The following LNX1 variants were observed in gnomAD, a reference collection of about 807,000 sequenced individuals.
LNX1 encodes E3 ubiquitin-protein ligase LNX.
In LNX1, 54 loss-of-function variants were observed where a neutral mutation model predicts 68.4. That is an observed-to-expected ratio of 0.79 (90% CI 0.63 to 0.99). The LOEUF (loss-of-function observed/expected upper bound fraction) is 0.99, where lower values mean the gene tolerates loss of function less well. Ranked by LOEUF, LNX1 falls within the 50% of genes least tolerant of loss-of-function variation. LNX1 has a pLI of 0.00. For synonymous variants in LNX1, 336 were observed against 350.0 expected, an observed-to-expected ratio of 0.96 and a Z score of 0.45; for missense variants, 906 against 926.4, an observed-to-expected ratio of 0.98 and a Z score of 0.29.
At chr4:53,576,211 G>A in intron 1 of LNX1, 1 of 1,598,050 alleles carries the variant, frequency 6.3e-7, no homozygotes, top group South Asian at 1.1e-5. Context: ...CTCCACCAGT[G>A]CCCTGGCTCG....
At chr4:53,617,215 A>G (rs1256876041) in intron 1 of LNX1, 1 of 152,166 alleles carries the variant, frequency 6.6e-6, no homozygotes, top group Non-Finnish European at 1.5e-5. Flanking sequence ...ATAATAATTA[A>G]AAAAAGAGAG....
intron 2 of LNX1, among the ~76,000 whole-genome samples, chr4:53,546,393 T>C (rs535815083): frequency 6.6e-6 from 1 of 152,322 alleles, no homozygotes; most frequent in East Asian, 1.9e-4. Flanking sequence ...CAGGGTCACT[T>C]GCCACACTGT....
rs148307958 is a variant in LNX1 at position 53,623,055 on chromosome 4, G to A, written c.-215+29113C>T. Among the ~76,000 whole-genome samples the A allele has an allele frequency of 2.8e-3, 428 of 152,208 alleles. 4 individuals carry two copies. Among genetic ancestry groups the A allele is most frequent in the African/African-American group, 9.5e-3 (395 of 41,532 alleles). On this transcript the variant is annotated intron_variant, in intron 1 of 2. Transcript: ENST00000507168. Reference sequence around the variant, plus strand: ...TAATAACTTAACTTAGCTTGGGGCTGGAAGAGATTTCAAAATGGTGGGCTG... The same window carrying A: ...TAATAACTTAACTTAGCTTGGGGCTAGAAGAGATTTCAAAATGGTGGGCTG...
chr4:53,538,079 A>G (rs932844965), intron 2 of LNX1, among the ~76,000 whole-genome samples: 4 of 152,254 alleles, frequency 2.6e-5, no homozygotes, highest in African/African-American at 9.6e-5. Flanking sequence ...GTTTCAACCA[A>G]CCATTGGCTA....
chr4:53,517,845 G>A (rs1204894835), intron 2 of LNX1, among the ~76,000 whole-genome samples: 1 of 152,196 alleles, frequency 6.6e-6, no homozygotes, highest in Non-Finnish European at 1.5e-5. Context: ...AAGTAAAAGA[G>A]GTCATCAGCT....
At chr4:53,554,025 C>A (rs904018636) in intron 2 of LNX1, among the ~76,000 whole-genome samples, 1 of 152,226 alleles carries the variant, frequency 6.6e-6, no homozygotes, top group Non-Finnish European at 1.5e-5. Flanking sequence ...AGCTTAGCCC[C>A]TAGCCTGTCC....
At chr4:53,599,818 G>C (rs1732914058) in intron 2 of LNX1, among the ~76,000 whole-genome samples, 1 of 152,144 alleles carries the variant, frequency 6.6e-6, no homozygotes, top group Non-Finnish European at 1.5e-5. Flanking sequence ...TATAGCTTTA[G>C]AATTTGCACA....
At position 53,507,344 on chromosome 4, in the gene LNX1, T is replaced by C; in HGVS notation, c.748A>G (p.Asn250Asp). The C allele has an allele frequency of 6.2e-7, 1 of 1,614,138 alleles. No individual in the cohort carries two copies. The highest frequency in any genetic ancestry group is 1.1e-5 in the South Asian group (1 of 91,076). The change falls in exon 4 of 11, where the codon AAT (asparagine) becomes GAT (aspartate). Residue 250 changes from asparagine to aspartate, a missense_variant. Transcript: ENST00000263925. Reference protein sequence around the residue: ...VANHADQGRENSENTTAPEVF... With the variant: ...VANHADQGREDSENTTAPEVF... ...TCAGGGGCAGTGGTGTTTTCAGAAT[T>C]TTCCCTGCCCTGGTCGGCATGGTTG... is the stretch of plus-strand genomic sequence containing the variant.
chr4:53,617,479 G>A (rs1305671337), exon 1 of LNX1: 1 of 152,204 alleles, frequency 6.6e-6, no homozygotes, highest in Non-Finnish European at 1.5e-5. Flanking sequence ...TGTAAACACA[G>A]CTGGGGAAAC....
At chr4:53,651,450 A>G (rs1381942119) in intron 1 of LNX1, among the ~76,000 whole-genome samples, 1 of 152,206 alleles carries the variant, frequency 6.6e-6, no homozygotes, top group Non-Finnish European at 1.5e-5. Context: ...GGAATACATG[A>G]CAAGGTGGTA....
intron 2 of LNX1, chr4:53,558,172 G>A: frequency 1.5e-6 from 2 of 1,364,438 alleles, no homozygotes; most frequent in Non-Finnish European, 1.9e-6. Context: ...ATGAGAGGAT[G>A]TAGGAACGCA....
chr4:53,557,857 A>AC, intron 2 of LNX1: 1 of 1,612,900 alleles, frequency 6.2e-7, no homozygotes, highest in Non-Finnish European at 8.5e-7. Flanking sequence ...ACAGGCACGG[A>AC]CAGAGAGGGG....
chr4:53,598,181 G>T (rs1290837138), intron 2 of LNX1, among the ~76,000 whole-genome samples: 1 of 151,642 alleles, frequency 6.6e-6, no homozygotes, highest in South Asian at 2.1e-4. Context: ...AGATATTGAT[G>T]CCTGTTCTGC....
At chr4:53,603,634 T>C (rs944693896) in intron 2 of LNX1, 2 of 152,434 alleles carry the variant, frequency 1.3e-5, no homozygotes, top group African/African-American at 4.8e-5. Flanking sequence ...ATGTATCACA[T>C]AGCAAGAGCA....
At chr4:53,466,593 G>T (rs1454545467) in intron 9 of LNX1, among the ~76,000 whole-genome samples, 3 of 152,200 alleles carry the variant, frequency 2.0e-5, no homozygotes, top group African/African-American at 7.2e-5. Context: ...CCTAGTCAAA[G>T]AAAGGGGTGA....
chr4:53,487,853 C>T (rs2109439770), intron 6 of LNX1, among the ~76,000 whole-genome samples: 1 of 152,282 alleles, frequency 6.6e-6, no homozygotes, highest in South Asian at 2.1e-4. Flanking sequence ...GGTTTCTTTT[C>T]CAAGTATCTC....
intron 1 of LNX1, among the ~76,000 whole-genome samples, chr4:53,580,821 A>C (rs1297532075): frequency 6.6e-6 from 1 of 152,198 alleles, no homozygotes; most frequent in Non-Finnish European, 1.5e-5. Context: ...GGGCTCTCTT[A>C]TTTGTTTGTA....
chr4:53,493,057 C>A (rs1037728276), intron 6 of LNX1, among the ~76,000 whole-genome samples: 31 of 152,116 alleles, frequency 2.0e-4, no homozygotes, highest in Admixed American at 5.9e-4. Flanking sequence ...GAAACCTCCG[C>A]CTCCCGAGTT....
chr4:53,505,488 G>A (rs1044248693), intron 4 of LNX1, among the ~76,000 whole-genome samples: 1 of 152,164 alleles, frequency 6.6e-6, no homozygotes, highest in Non-Finnish European at 1.5e-5. Context: ...CCACCCTCAG[G>A]TGATATGGCT....
Sources: allele counts gnomAD v4.1 joint callset (sites outside exome capture counted in the v4.1 genomes callset), GRCh38; gene constraint gnomAD v4.1.1; transcripts MANE v1.5; gene names NCBI Gene and HGNC (gene_info 2026-07-23, HGNC 2026-07-21).